LRMDA: variants seen among roughly 807,000 people sequenced by gnomAD.
LRMDA encodes leucine rich melanocyte differentiation associated, also known as leucine-rich melanocyte differentiation-associated protein.
In LRMDA, 18 loss-of-function variants were observed where a neutral mutation model predicts 29.8. The observed-to-expected ratio is 0.60, with a 90% CI of 0.42 to 0.90. The LOEUF (loss-of-function observed/expected upper bound fraction) is 0.90, where lower values mean the gene tolerates loss of function less well. Ranked by LOEUF, LRMDA falls within the 40% of genes least tolerant of loss-of-function variation. The pLI is 0.00. For synonymous variants in LRMDA, 125 were observed against 109.4 expected (o/e 1.14, Z -0.89); for missense variants, 273 against 273.9 (o/e 1.00, Z 0.02).
At chr10:75,682,430 T>G (rs1488995649) in intron 2 of LRMDA, among the ~76,000 whole-genome samples, 2 of 88,082 alleles carry the variant, frequency 2.3e-5, no homozygotes, top group Non-Finnish European at 6.4e-5. Context: ...AGAGTGTGTG[T>G]GGGGGTGTGT....
intron 2 of LRMDA, among the ~76,000 whole-genome samples, chr10:75,623,210 T>G (rs1243614909): frequency 6.6e-6 from 1 of 152,226 alleles, no homozygotes; most frequent in African/African-American, 2.4e-5. Flanking sequence ...AATGCATTAT[T>G]ATTTTCAGTC....
chr10:76,129,789 C>T (rs1589340460), intron 5 of LRMDA, among the ~76,000 whole-genome samples: 1 of 152,156 alleles, frequency 6.6e-6, no homozygotes, highest in Non-Finnish European at 1.5e-5. Context: ...ACTGCCATGC[C>T]TTCCAATGGT....
At chr10:75,879,812 T>G (rs760425268) in intron 2 of LRMDA, among the ~76,000 whole-genome samples, 10 of 152,202 alleles carry the variant, frequency 6.6e-5, no homozygotes, top group Non-Finnish European at 1.2e-4. Flanking sequence ...CTTTTTCCAT[T>G]TCTTGGAATG....
At chr10:75,615,427 A>T (rs1010207143) in intron 2 of LRMDA, among the ~76,000 whole-genome samples, 5 of 152,172 alleles carry the variant, frequency 3.3e-5, no homozygotes, top group African/African-American at 1.2e-4. Context: ...TGCTCCAATA[A>T]ACATTTCTTT....
At chr10:76,520,369 CT>C (rs1180652487) in intron 6 of LRMDA, among the ~76,000 whole-genome samples, 1 of 151,028 alleles carries the variant, frequency 6.6e-6, no homozygotes, top group Non-Finnish European at 1.5e-5. Context: ...TTTTTTGCTC[CT>C]TTTTATTGGA....
At chr10:76,153,450 G>T (rs2132168297) in intron 5 of LRMDA, among the ~76,000 whole-genome samples, 1 of 152,144 alleles carries the variant, frequency 6.6e-6, no homozygotes, top group South Asian at 2.1e-4. Flanking sequence ...TGTATCTTTG[G>T]CTTATTCATT....
intron 2 of LRMDA, among the ~76,000 whole-genome samples, chr10:75,557,657 CAA>C (rs1051913536): frequency 1.3e-5 from 2 of 152,216 alleles, no homozygotes; most frequent in African/African-American, 2.4e-5. Flanking sequence ...GGCTCTCCTT[CAA>C]TATTGAGAAT....
At chr10:75,772,047 C>G (rs994139759) in intron 2 of LRMDA, among the ~76,000 whole-genome samples, 2 of 152,080 alleles carry the variant, frequency 1.3e-5, no homozygotes, top group Non-Finnish European at 2.9e-5. Context: ...AAGCTGAAAC[C>G]CAAAAGGATA....
chr10:75,835,545 G>A (rs115836742), intron 2 of LRMDA, among the ~76,000 whole-genome samples: 14 of 152,256 alleles, frequency 9.2e-5, no homozygotes, highest in African/African-American at 2.6e-4. Flanking sequence ...CTACCATATC[G>A]CTATTATTTC....
intron 6 of LRMDA, among the ~76,000 whole-genome samples, chr10:76,422,262 C>T (rs896769096): frequency 3.3e-5 from 5 of 152,060 alleles, no homozygotes; most frequent in Admixed American, 3.3e-4. Context: ...GGACTCAGGT[C>T]TCCACACGCT....
intron 2 of LRMDA, among the ~76,000 whole-genome samples, chr10:75,890,997 G>A (rs186697011): frequency 4.6e-5 from 7 of 152,044 alleles, no homozygotes; most frequent in Non-Finnish European, 8.8e-5. Flanking sequence ...CCAGCTACTC[G>A]GGAGGCTGAG....
intron 6 of LRMDA, among the ~76,000 whole-genome samples, chr10:76,475,547 A>T (rs1440804949): frequency 6.6e-6 from 1 of 152,122 alleles, no homozygotes; most frequent in Admixed American, 6.6e-5. Flanking sequence ...CACCAAGCAG[A>T]CCTAATAGAC....
chr10:75,434,326 A>G, intron 1 of LRMDA, among the ~76,000 whole-genome samples: 1 of 152,202 alleles, frequency 6.6e-6, no homozygotes, highest in Non-Finnish European at 1.5e-5. Context: ...CTGTAAGTAC[A>G]ATAGGGACGA....
intron 2 of LRMDA, among the ~76,000 whole-genome samples, chr10:75,807,468 T>A (rs940228993): frequency 3.9e-5 from 6 of 152,334 alleles, no homozygotes; most frequent in Non-Finnish European, 7.4e-5. Context: ...AAATGGCAAA[T>A]TATTATTTTT....
At chr10:75,597,107 G>GT (rs1811535409) in intron 2 of LRMDA, among the ~76,000 whole-genome samples, 2 of 151,780 alleles carry the variant, frequency 1.3e-5, no homozygotes, top group South Asian at 4.2e-4. Context: ...TTGTTTGTTT[G>GT]TTTTTCCAGG....
chr10:76,367,236 T>G (rs1026778107), intron 6 of LRMDA, among the ~76,000 whole-genome samples: 2 of 152,128 alleles, frequency 1.3e-5, no homozygotes, highest in Admixed American at 6.5e-5. Context: ...TGTGCTTTCC[T>G]GGTTTTGGTA....
At chr10:75,735,635 C>T (rs1485393060) in intron 2 of LRMDA, among the ~76,000 whole-genome samples, 1 of 152,100 alleles carries the variant, frequency 6.6e-6, no homozygotes, top group East Asian at 1.9e-4. Flanking sequence ...TTCTGTTTTC[C>T]ATGGTCAAAA....
chr10:76,481,884 T>G (rs1442038001), intron 6 of LRMDA, among the ~76,000 whole-genome samples: 1 of 151,904 alleles, frequency 6.6e-6, no homozygotes, highest in Admixed American at 6.6e-5. Flanking sequence ...ACCCCAAACA[T>G]TATATACCTC....
At chr10:76,479,086 A>C (rs1842710128) in intron 6 of LRMDA, among the ~76,000 whole-genome samples, 1 of 151,640 alleles carries the variant, frequency 6.6e-6, no homozygotes, top group Non-Finnish European at 1.5e-5. Context: ...CACAAACTAA[A>C]TATTGAGCTT....
Sources: allele counts gnomAD v4.1 joint callset (sites outside exome capture counted in the v4.1 genomes callset), GRCh38; gene constraint gnomAD v4.1.1; transcripts MANE v1.5; gene names NCBI Gene and HGNC (gene_info 2026-07-23, HGNC 2026-07-21).